The following PHLPP1 variants were observed in gnomAD, a reference collection of about 807,000 sequenced individuals.
PHLPP1 encodes PH domain leucine-rich repeat-containing protein phosphatase 1.
In PHLPP1, 42 loss-of-function variants were observed where a neutral mutation model predicts 117.2. The observed-to-expected ratio is 0.36, with a 90% CI of 0.28 to 0.46. The LOEUF (loss-of-function observed/expected upper bound fraction) is 0.46. Among genes scored for constraint, PHLPP1 ranks in the 20% least tolerant of loss-of-function variants. The pLI, the probability that PHLPP1 is intolerant of heterozygous loss-of-function variation, is 1.00. For missense variants in PHLPP1, 2,084 were observed against 2,241.9 expected (o/e 0.93, Z 1.42); for synonymous variants, 1,042 against 970.7 (o/e 1.07, Z -1.37).
At position 62,717,000 on chromosome 18, in the gene PHLPP1, AG is replaced by A; in HGVS notation, c.1318del (p.Ala440ArgfsTer18). On this transcript the variant is annotated frameshift_variant, in exon 1 of 17. Transcript: ENST00000262719. LOFTEE classifies it high-confidence loss of function. The surrounding 1 kb of genome is among the most constrained non-coding windows in gnomAD (Gnocchi z 5.7). ...GCGAGGGGTCGTGCGAGGAGAAGGC[AG>A]CGGCAGCCGTGGCCCCGGGAGGCCT... ...VREGSCEEKA[A>X]AAVAPGGLQS... The A allele has an allele frequency of 6.5e-7, 1 of 1,543,396 alleles. No individual in the cohort carries two copies. The highest frequency in any genetic ancestry group is 8.7e-7 in the Non-Finnish European group (1 of 1,145,934).
chr18:62,895,209 T>C (rs777453599), intron 5 of PHLPP1, 52 bp downstream of exon 5: 18 of 1,578,006 alleles, frequency 1.1e-5, no homozygotes, highest in Non-Finnish European at 1.6e-5. Context: ...CCAGGGAAGC[T>C]GCATTGGGGG....
chr18:62,956,338 A>G (rs1910610121), intron 12 of PHLPP1, among the ~76,000 whole-genome samples: 1 of 152,188 alleles, frequency 6.6e-6, no homozygotes, highest in Non-Finnish European at 1.5e-5. Context: ...GAACAAGCTG[A>G]CTGGGCCTGT....
At chr18:62,803,514 A>G (rs1249980087) in intron 1 of PHLPP1, among the ~76,000 whole-genome samples, 1 of 152,212 alleles carries the variant, frequency 6.6e-6, no homozygotes, top group Non-Finnish European at 1.5e-5. Context: ...AGATTCAGCC[A>G]TCATTTTGCA....
chr18:62,914,862 A>G, intron 8 of PHLPP1, 51 bp from the exon 9 acceptor site: 2 of 1,301,848 alleles, frequency 1.5e-6, no homozygotes, highest in Non-Finnish European at 2.2e-6. Flanking sequence ...TGAGTTTAGA[A>G]CCACATTTGA....
chr18:62,790,025 T>C (rs1437591253), intron 1 of PHLPP1, among the ~76,000 whole-genome samples: 1 of 152,212 alleles, frequency 6.6e-6, no homozygotes, highest in East Asian at 1.9e-4. Context: ...TCATGGGCTA[T>C]TATGATGGAA....
intron 1 of PHLPP1, among the ~76,000 whole-genome samples, chr18:62,732,523 G>T (rs1478961563): frequency 6.6e-6 from 1 of 152,192 alleles, no homozygotes; most frequent in African/African-American, 2.4e-5. Context: ...AGCTCTGAGG[G>T]AGATGTACAT....
chr18:62,823,576 T>C (rs971606133), intron 1 of PHLPP1, among the ~76,000 whole-genome samples: 1 of 145,164 alleles, frequency 6.9e-6, no homozygotes, highest in East Asian at 1.9e-4. Context: ...TATATATCTA[T>C]ATATATCTAC....
At chr18:62,954,908 C>T (rs1331086231) in intron 12 of PHLPP1, among the ~76,000 whole-genome samples, 1 of 152,036 alleles carries the variant, frequency 6.6e-6, no homozygotes, top group Non-Finnish European at 1.5e-5. Context: ...TTTGTTCATC[C>T]TTTTAATGAA....
intron 4 of PHLPP1, among the ~76,000 whole-genome samples, chr18:62,861,996 T>C (rs1285981266): frequency 6.6e-6 from 1 of 152,242 alleles, no homozygotes; most frequent in African/African-American, 2.4e-5. Context: ...TACTACTCCG[T>C]TGTGTAACAC....
intron 1 of PHLPP1, among the ~76,000 whole-genome samples, chr18:62,779,776 T>C (rs1913068049): frequency 6.6e-6 from 1 of 152,210 alleles, no homozygotes; most frequent in Admixed American, 6.5e-5. Flanking sequence ...AATACTCTTC[T>C]TTTGGTTTTA....
At chr18:62,800,329 A>G (rs1913742958) in intron 1 of PHLPP1, among the ~76,000 whole-genome samples, 1 of 152,154 alleles carries the variant, frequency 6.6e-6, no homozygotes, top group Non-Finnish European at 1.5e-5. Flanking sequence ...TTATAAATTA[A>G]CGCTTTAGAG....
In PHLPP1 at chr18:62,881,019, T is replaced by C. The variant is rs62098648; in HGVS notation, c.2067-13992T>C. On this transcript the variant is annotated intron_variant, in intron 4 of 16. Coordinates refer to ENST00000262719, the MANE Select transcript of PHLPP1 (RefSeq NM_194449.4). ...GGTTTGGCACATAGTAACCAGTAAG[T>C]ACCTCTTGTTTGAATTACTTTAATT... Among the ~76,000 whole-genome samples the C allele has an allele frequency of 2.1e-3, 327 of 152,360 alleles. 1 individual carries two copies. The highest frequency in any genetic ancestry group is 3.6e-3 in the Non-Finnish European group (245 of 68,030).
Position 62,830,089 on chromosome 18 carries a change from A to G in PHLPP1, c.1631A>G (p.Asn544Ser), listed in dbSNP as rs1313670148. 1 of 1,613,670 alleles carries G rather than the reference A, an allele frequency of 6.2e-7. No homozygotes were observed. The highest frequency in any genetic ancestry group is 1.3e-5 in the African/African-American group (1 of 74,918). The change falls in exon 2 of 17, where the codon AAT becomes AGT. Residue 544 changes from asparagine to serine, a missense_variant. By Grantham distance (46) the Asn-to-Ser change is conservative. This residue lies in a region of PHLPP1 where 1,365 missense variants were observed against 1,605.9 expected (regional missense o/e 0.85). Coordinates refer to ENST00000262719, the MANE Select transcript of PHLPP1 (RefSeq NM_194449.4). The stretch of plus-strand genomic sequence containing the variant: ...CGGATTCAGCTCTCAGGAATGTATA[A>G]TGTCCGTAAAGGCAAGATGCAGTTG... The part of the protein sequence containing the change: ...SERIQLSGMY[N>S]VRKGKMQLPV...
At chr18:62,767,311 TTC>T (rs1033957208) in intron 1 of PHLPP1, among the ~76,000 whole-genome samples, 26 of 152,236 alleles carry the variant, frequency 1.7e-4, no homozygotes, top group African/African-American at 5.1e-4. Context: ...TTATTTGGCC[TTC>T]TCTCAGTTAA....
At chr18:62,959,674 A>C (rs1910710472) in intron 13 of PHLPP1, among the ~76,000 whole-genome samples, 1 of 152,208 alleles carries the variant, frequency 6.6e-6, no homozygotes, top group Non-Finnish European at 1.5e-5. Flanking sequence ...GCCGAAAGTC[A>C]TCTTCCATTA....
intron 1 of PHLPP1, among the ~76,000 whole-genome samples, chr18:62,773,230 T>G (rs1446222710): frequency 1.3e-5 from 2 of 152,252 alleles, no homozygotes; most frequent in Non-Finnish European, 2.9e-5. Context: ...TTTTTTCTTT[T>G]TAACATGTTT....
At chr18:62,879,957 T>C (rs1916137823) in intron 4 of PHLPP1, among the ~76,000 whole-genome samples, 1 of 152,116 alleles carries the variant, frequency 6.6e-6, no homozygotes, top group Admixed American at 6.5e-5. Context: ...TTGTAAACAC[T>C]CATGGTACTT....
intron 4 of PHLPP1, among the ~76,000 whole-genome samples, chr18:62,890,610 C>A (rs572721379): frequency 1.3e-5 from 2 of 152,164 alleles, no homozygotes; most frequent in Non-Finnish European, 2.9e-5. Context: ...CCTCATTCAG[C>A]GTATTGCTGC....
chr18:62,897,507 T>C (rs1405716960), intron 6 of PHLPP1, among the ~76,000 whole-genome samples: 1 of 152,168 alleles, frequency 6.6e-6, no homozygotes, highest in Non-Finnish European at 1.5e-5. Context: ...ATTGTTTTTG[T>C]TTTTGCTTCT....
Sources: gnomAD v4.1 joint callset for allele counts (sites outside exome capture counted in the v4.1 genomes callset) on GRCh38, gnomAD v4.1.1 for gene constraint, gnomAD v4.1.1 regional missense constraint, Gnocchi (gnomAD v3.1) non-coding constraint, MANE v1.5 for transcripts, NCBI Gene and HGNC (gene_info 2026-07-23, HGNC 2026-07-21) for gene names.